The following SPOCK3 variants were observed in gnomAD, a reference collection of about 807,000 sequenced individuals.
SPOCK3 encodes the protein SPARC (osteonectin), cwcv and kazal like domains proteoglycan 3, also known as testican-3.
Under a neutral mutation model 56.6 loss-of-function variants are expected in SPOCK3, and 30 were observed. The ratio of observed to expected loss-of-function variants is 0.53; its 90% CI spans 0.40 to 0.72. The LOEUF (loss-of-function observed/expected upper bound fraction) is 0.72, where lower values mean the gene tolerates loss of function less well. Ranked by LOEUF, SPOCK3 falls within the 30% of genes least tolerant of loss-of-function variation. The pLI, the probability that SPOCK3 is intolerant of heterozygous loss-of-function variation, is 0.00. For synonymous variants in SPOCK3, 196 were observed against 183.3 expected (o/e 1.07, Z -0.56); for missense variants, 527 against 530.0 (o/e 0.99, Z 0.06).
intron 2 of SPOCK3, among the ~76,000 whole-genome samples, chr4:167,210,763 T>C (rs1037383764): frequency 6.6e-6 from 1 of 152,178 alleles, no homozygotes; most frequent in African/African-American, 2.4e-5. Context: ...TTTTAAAGGC[T>C]GAGTCATACA....
chr4:166,797,335 G>C (rs1193832215), intron 6 of SPOCK3, among the ~76,000 whole-genome samples: 2 of 103,904 alleles, frequency 1.9e-5, no homozygotes, highest in Non-Finnish European at 3.8e-5. Context: ...ACAAAGCTTT[G>C]ATATTTGCTT....
At chr4:166,992,263 C>T (rs183035177) in intron 4 of SPOCK3, among the ~76,000 whole-genome samples, 2 of 152,016 alleles carry the variant, frequency 1.3e-5, no homozygotes, top group Non-Finnish European at 2.9e-5. Flanking sequence ...GTACTCCTTT[C>T]CATCATATGG....
chr4:166,896,553 C>T (rs1735402754), intron 5 of SPOCK3, among the ~76,000 whole-genome samples: 2 of 152,090 alleles, frequency 1.3e-5, no homozygotes, highest in South Asian at 2.1e-4. Context: ...CAAGCACAGG[C>T]TGTGTGGCCT....
intron 6 of SPOCK3, among the ~76,000 whole-genome samples, chr4:166,816,636 T>C (rs1744413612): frequency 6.6e-6 from 1 of 152,126 alleles, no homozygotes; most frequent in African/African-American, 2.4e-5. Context: ...AAACACTTTA[T>C]GTTAAGATGA....
chr4:167,172,715 C>T (rs1435568503), intron 2 of SPOCK3, among the ~76,000 whole-genome samples: 2 of 151,986 alleles, frequency 1.3e-5, no homozygotes. Context: ...AGAATATCTA[C>T]ATATATGTGT....
chr4:166,745,081 A>T (rs1735406391), intron 8 of SPOCK3, among the ~76,000 whole-genome samples: 1 of 152,210 alleles, frequency 6.6e-6, no homozygotes, highest in Non-Finnish European at 1.5e-5. Flanking sequence ...ATTAACCAGG[A>T]GAACTTCCCC....
At chr4:167,179,230 T>G (rs971192299) in intron 2 of SPOCK3, among the ~76,000 whole-genome samples, 13 of 152,168 alleles carry the variant, frequency 8.5e-5, no homozygotes, top group African/African-American at 2.9e-4. Flanking sequence ...CCTTAGTTTC[T>G]TCCTTATTGG....
intron 8 of SPOCK3, among the ~76,000 whole-genome samples, chr4:166,752,159 G>A (rs1736454203): frequency 2.0e-5 from 3 of 151,838 alleles, no homozygotes; most frequent in Admixed American, 1.3e-4. Flanking sequence ...CAAGTAGCTA[G>A]GACTACAGGC....
chr4:166,953,505 A>G (rs1211810807), intron 4 of SPOCK3, among the ~76,000 whole-genome samples: 3 of 151,910 alleles, frequency 2.0e-5, no homozygotes, highest in Admixed American at 1.3e-4. Context: ...AACTAGTTCA[A>G]CCATTGTGGA....
chr4:167,007,456 T>C (rs937348743), intron 3 of SPOCK3, among the ~76,000 whole-genome samples: 1 of 152,168 alleles, frequency 6.6e-6, no homozygotes, highest in African/African-American at 2.4e-5. Flanking sequence ...AATTTTTTTT[T>C]CAAATATTTT....
chr4:166,858,085 C>G (rs1730874226), intron 6 of SPOCK3, among the ~76,000 whole-genome samples: 1 of 152,116 alleles, frequency 6.6e-6, no homozygotes, highest in African/African-American at 2.4e-5. Flanking sequence ...CCTGTAGTAC[C>G]TAGCACAGCA....
intron 4 of SPOCK3, among the ~76,000 whole-genome samples, chr4:166,980,216 G>T (rs1006636199): frequency 6.6e-6 from 1 of 152,192 alleles, no homozygotes; most frequent in African/African-American, 2.4e-5. Flanking sequence ...ACTTTAGCCT[G>T]CAGGACAGCA....
intron 2 of SPOCK3, among the ~76,000 whole-genome samples, chr4:167,139,426 T>C (rs1369878691): frequency 2.0e-5 from 3 of 151,986 alleles, no homozygotes; most frequent in African/African-American, 7.2e-5. Flanking sequence ...GTAGAAACCA[T>C]GGAAAGTAAT....
At chr4:167,008,549 G>C in intron 3 of SPOCK3, among the ~76,000 whole-genome samples, 1 of 151,960 alleles carries the variant, frequency 6.6e-6, no homozygotes, top group East Asian at 1.9e-4. Context: ...ATTTTAGATA[G>C]TCACATTTTT....
At chr4:167,179,178 T>A (rs1211719178) in intron 2 of SPOCK3, among the ~76,000 whole-genome samples, 3 of 152,148 alleles carry the variant, frequency 2.0e-5, no homozygotes, top group African/African-American at 7.2e-5. Flanking sequence ...TAGGCCCTGA[T>A]TAGATATTAT....
At chr4:166,746,848 G>T (rs13126640) in intron 8 of SPOCK3, among the ~76,000 whole-genome samples, 1 of 151,582 alleles carries the variant, frequency 6.6e-6, no homozygotes, top group South Asian at 2.1e-4. Context: ...AGAGAATACT[G>T]TAAACACCTT....
intron 3 of SPOCK3, among the ~76,000 whole-genome samples, chr4:167,046,219 C>T (rs1753699278): frequency 6.6e-6 from 1 of 151,906 alleles, no homozygotes; most frequent in African/African-American, 2.4e-5. Context: ...TCCCCTCTTC[C>T]TGCCTGGCTT....
At chr4:166,972,645 T>C (rs1425927420) in intron 4 of SPOCK3, among the ~76,000 whole-genome samples, 1 of 151,276 alleles carries the variant, frequency 6.6e-6, no homozygotes, top group Non-Finnish European at 1.5e-5. Flanking sequence ...ATTTGCCCAG[T>C]GGTGAGTCCA....
At chr4:166,746,043 C>G (rs902825223) in intron 8 of SPOCK3, among the ~76,000 whole-genome samples, 1 of 152,134 alleles carries the variant, frequency 6.6e-6, no homozygotes, top group African/African-American at 2.4e-5. Flanking sequence ...TAATGGGAGA[C>G]TTTAACACCC....
Sources: gnomAD v4.1 joint callset for allele counts (sites outside exome capture counted in the v4.1 genomes callset) on GRCh38, gnomAD v4.1.1 for gene constraint, MANE v1.5 for transcripts, NCBI Gene and HGNC (gene_info 2026-07-23, HGNC 2026-07-21) for gene names.